SEC24C: variants seen among roughly 807,000 people sequenced by gnomAD.
The protein encoded by SEC24C is protein transport protein Sec24C.
In SEC24C, 22 loss-of-function variants were observed where a neutral mutation model predicts 117.0. The observed-to-expected ratio is 0.19, with a 90% CI of 0.13 to 0.27. SEC24C has a LOEUF of 0.27. Ranked by LOEUF, SEC24C falls within the 10% of genes least tolerant of loss-of-function variation. SEC24C has a pLI of 1.00. For synonymous variants in SEC24C, 506 were observed against 529.4 expected, an observed-to-expected ratio of 0.96 and a Z score of 0.61; for missense variants, 1,155 against 1,375.1, an observed-to-expected ratio of 0.84 and a Z score of 2.53.
At chr10:73,756,333 C>A (rs934995085) in intron 3 of SEC24C, among the ~76,000 whole-genome samples, 2 of 151,980 alleles carry the variant, frequency 1.3e-5, no homozygotes, top group African/African-American at 2.4e-5. Flanking sequence ...AAAGTCTGGA[C>A]CTGGGCTGCA....
chr10:73,771,417 T>G lies in SEC24C; in HGVS notation c.*322T>G. The G allele has an allele frequency of 3.5e-6, 1 of 285,880 alleles. No homozygotes were observed. The highest frequency in any genetic ancestry group is 4.4e-5 in the South Asian group (1 of 22,788). 17.7% of individuals were successfully genotyped at this position (285,880 alleles called of 1,614,324 possible). On this transcript the variant is annotated 3_prime_UTR_variant, in exon 23 of 23. Coordinates refer to ENST00000345254, the MANE Select transcript of SEC24C (RefSeq NM_198597.3). The stretch of plus-strand genomic sequence containing the variant: ...ACCCAGACCCTGGCAATATTATGTG[T>G]CCCTTTGGACCAGTCTCCCAAGAGG...
chr10:73,769,691 C>G lies in SEC24C; in HGVS notation c.2640C>G (p.Ala880=). Residue 880 remains alanine, a synonymous_variant, in exon 19 of 23, where the codon GCC becomes GCG. Transcript: ENST00000345254. The surrounding 1 kb of genome is among the most constrained non-coding windows in gnomAD (Gnocchi z 4.5). ...TCACCCAGTGTGCCCAGATCCTGGC[C>G]TGTTACAGAAAGAACTGTGCTAGCC... ...TLITQCAQIL[A]CYRKNCASPS... The G allele has an allele frequency of 6.2e-7, 1 of 1,614,202 alleles. No homozygotes were observed. The highest frequency in any genetic ancestry group is 8.5e-7 in the Non-Finnish European group (1 of 1,180,032).
chr10:73,749,978 A>G (rs1197737753), intron 2 of SEC24C, among the ~76,000 whole-genome samples: 1 of 152,218 alleles, frequency 6.6e-6, no homozygotes, highest in East Asian at 1.9e-4. Context: ...TTTCATAAAG[A>G]GATATGGAAA....
rs774989286 is a variant in SEC24C at position 73,770,536 on chromosome 10, A to C, written c.3054+65A>C. ...ATACTTTGTGAAACAATTGGGAGCC[A>C]ATATAGTTAGTGTGCTAGTACCCTC... On this transcript the variant is annotated intron_variant, in intron 21 of 22. Coordinates refer to ENST00000345254, the MANE Select transcript of SEC24C (RefSeq NM_198597.3). 1.9e-6 allele frequency: 3 copies of C among 1,577,356 alleles called. No homozygotes were observed. The Admixed American group carries it at 5.0e-5, about 26-fold the overall frequency.
intron 8 of SEC24C, among the ~76,000 whole-genome samples, chr10:73,764,523 CAAA>C (rs113069953): frequency 2.6e-5 from 2 of 75,690 alleles, no homozygotes; most frequent in African/African-American, 5.1e-5. Context: ...GACTCTGTCT[CAAA>C]AAAAAAAAAA....
At chr10:73,754,459 G>A (rs1280554444) in intron 3 of SEC24C, among the ~76,000 whole-genome samples, 3 of 152,114 alleles carry the variant, frequency 2.0e-5, no homozygotes, top group East Asian at 1.9e-4. Context: ...ATATGATGCC[G>A]TATAACCCAC....
chr10:73,753,235 A>G (rs2082666604), intron 3 of SEC24C, among the ~76,000 whole-genome samples: 1 of 152,108 alleles, frequency 6.6e-6, no homozygotes, highest in African/African-American at 2.4e-5. Context: ...TATTTTTAGT[A>G]GAGACAGGGT....
chr10:73,745,225 A>G (rs1026550245), intron 1 of SEC24C, among the ~76,000 whole-genome samples: 14 of 152,104 alleles, frequency 9.2e-5, no homozygotes, highest in Admixed American at 8.5e-4. Flanking sequence ...GTGATGAGAT[A>G]GTTTTCTTGG....
At position 73,769,316 on chromosome 10, in the gene SEC24C, G is replaced by C; in HGVS notation, c.2425-31G>C. On this transcript the variant is annotated intron_variant, in intron 17 of 22. Transcript: ENST00000345254. The surrounding 1 kb of genome is among the most constrained non-coding windows in gnomAD (Gnocchi z 4.5). ...AGCAAAGGGCCTTTGTGAGGGAGGGGTGTGAGTTCCCCCTTTCTCCTTTCC... is the reference window on the plus strand; with the variant it reads ...AGCAAAGGGCCTTTGTGAGGGAGGGCTGTGAGTTCCCCCTTTCTCCTTTCC... 1 of 1,611,688 alleles carries C rather than the reference G, an allele frequency of 6.2e-7. No individual in the cohort carries two copies. Among genetic ancestry groups the C allele is most frequent in the Non-Finnish European group, 8.5e-7 (1 of 1,178,782 alleles).
chr10:73,761,797 C>T (rs1449697606), intron 6 of SEC24C, among the ~76,000 whole-genome samples: 1 of 152,086 alleles, frequency 6.6e-6, no homozygotes, highest in Non-Finnish European at 1.5e-5. Context: ...GAACACTCCT[C>T]TTCTTCTTCC....
chr10:73,745,540 C>G (rs1171053892), intron 1 of SEC24C, among the ~76,000 whole-genome samples: 2 of 136,794 alleles, frequency 1.5e-5, no homozygotes, highest in Non-Finnish European at 3.3e-5. Context: ...CTAGAGTTTT[C>G]AGGTGTCCTT....
At position 73,766,181 on chromosome 10, in the gene SEC24C, G is replaced by A; in HGVS notation, c.1578G>A (p.Glu526=). 1 of 1,613,458 alleles carries A rather than the reference G, an allele frequency of 6.2e-7. No homozygotes were observed. The highest frequency in any genetic ancestry group is 8.5e-7 in the Non-Finnish European group (1 of 1,179,874). Residue 526 remains glutamate (E), a synonymous_variant, in exon 11 of 23, where the codon GAG becomes GAA. Coordinates refer to ENST00000345254, the MANE Select transcript of SEC24C (RefSeq NM_198597.3). ...GTCTTGTTAGGCTCCTCTGTGAGGA[G>A]CTCAAGTCACTGTTAGACTTTCTAC... ...RTGLVRLLCE[E]LKSLLDFLPR...
intron 2 of SEC24C, among the ~76,000 whole-genome samples, chr10:73,749,800 C>T (rs536201562): frequency 6.6e-6 from 1 of 152,194 alleles, no homozygotes; most frequent in Non-Finnish European, 1.5e-5. Flanking sequence ...CCTTGGCCTC[C>T]CAAAGTGCTG....
intron 3 of SEC24C, 28 bp from the exon 4 acceptor site, chr10:73,759,594 G>A: frequency 6.8e-7 from 1 of 1,479,626 alleles, no homozygotes; most frequent in Non-Finnish European, 9.0e-7. Flanking sequence ...GGCCCCACTA[G>A]TCACCTCTGC....
chr10:73,750,487 T>C (rs910488927), intron 2 of SEC24C, among the ~76,000 whole-genome samples: 3 of 152,198 alleles, frequency 2.0e-5, no homozygotes, highest in African/African-American at 7.2e-5. Flanking sequence ...GCAATGCTGA[T>C]GGGAGGACAG....
intron 2 of SEC24C, among the ~76,000 whole-genome samples, chr10:73,747,480 T>C (rs991347339): frequency 6.6e-6 from 1 of 151,338 alleles, no homozygotes; most frequent in African/African-American, 2.4e-5. Flanking sequence ...GCCTCCTGAG[T>C]AGCTAGGATT....
In SEC24C at chr10:73,746,930, G is replaced by A. The variant is rs1340453158; in HGVS notation, c.98G>A (p.Gly33Glu). 6 of 1,614,036 alleles carry A rather than the reference G, an allele frequency of 3.7e-6. No individual in the cohort carries two copies. Among genetic ancestry groups the A allele is most frequent in the Non-Finnish European group, 5.1e-6 (6 of 1,179,972 alleles). Residue 33 changes from glycine to glutamate, a missense_variant, in exon 2 of 23, where the codon GGG (glycine) becomes GAG (glutamate). This residue lies in a region of SEC24C where 396 missense variants were observed against 382.8 expected (regional missense o/e 1.03). Coordinates refer to ENST00000345254, the MANE Select transcript of SEC24C (RefSeq NM_198597.3). ...CAGTCCAGCTATGGTGGGCAATCAGGGTCCACAGCCCCCGCCATTCCCTAT... is the reference window on the plus strand; with the variant it reads ...CAGTCCAGCTATGGTGGGCAATCAGAGTCCACAGCCCCCGCCATTCCCTAT... ...YHQSSYGGQS[G>E]STAPAIPYGA... is the part of the protein sequence containing the mutation.
At position 73,751,110 on chromosome 10, in the gene SEC24C, A is replaced by T. The variant is rs1186292429; in HGVS notation, c.175A>T (p.Met59Leu). 2 of 1,613,450 alleles carry T rather than the reference A, an allele frequency of 1.2e-6. No individual in the cohort carries two copies. Among genetic ancestry groups the T allele is most frequent in the African/African-American group, 2.7e-5 (2 of 74,908 alleles). The part of the protein sequence containing the change: ...PGYQQTPPQG[M>L]SRAPPSSGAP... The stretch of plus-strand genomic sequence containing the variant: ...TAGTTTCTGTCCTTTACCCTCAGGT[A>T]TGTCAAGAGCCCCACCTTCCTCGGG... The change falls in exon 3 of 23, where the codon ATG becomes TTG. Residue 59 changes from methionine (M) to leucine (L), a missense_variant and splice_region_variant. Met to Leu is a conservative substitution (Grantham distance 15). Around this residue, in one of 2 missense-constraint regions of SEC24C, gnomAD observed 396 missense variants for 382.8 expected, o/e 1.03. Transcript: ENST00000345254.
In SEC24C at chr10:73,770,812, G is replaced by C; in HGVS notation, c.3144+14G>C. 6.2e-7 allele frequency: 1 copy of C among 1,613,898 alleles called. No homozygotes were observed. Among genetic ancestry groups the C allele is most frequent in the Non-Finnish European group, 8.5e-7 (1 of 1,179,768 alleles). On this transcript the variant is annotated intron_variant, in intron 22 of 22. Transcript: ENST00000345254. ...CGGTACATGAAGGTAACACTGATCT[G>C]AACCCTGGATTTCTTACCTTGTCAA...
Sources: gnomAD v4.1 joint callset for allele counts (sites outside exome capture counted in the v4.1 genomes callset) on GRCh38, gnomAD v4.1.1 for gene constraint, gnomAD v4.1.1 regional missense constraint, Gnocchi (gnomAD v3.1) non-coding constraint, MANE v1.5 for transcripts, NCBI Gene and HGNC (gene_info 2026-07-23, HGNC 2026-07-21) for gene names.